Variants in WDFY1 observed in about 807,000 individuals in gnomAD.
The protein encoded by WDFY1 is WD repeat and FYVE domain-containing protein 1.
Under a neutral mutation model 56.4 loss-of-function variants are expected in WDFY1, and 32 were observed. The observed-to-expected ratio is 0.57, with a 90% confidence interval of 0.43 to 0.76. The LOEUF (loss-of-function observed/expected upper bound fraction) is 0.76. Ranked by LOEUF, WDFY1 falls within the 30% of genes least tolerant of loss-of-function variation. The pLI is 0.00. For missense variants in WDFY1, 480 were observed against 545.7 expected, an observed-to-expected ratio of 0.88 and a Z score of 1.20; for synonymous variants, 192 against 197.3, an observed-to-expected ratio of 0.97 and a Z score of 0.23.
rs1355372987 is a variant in WDFY1 at position 223,894,171 on chromosome 2, CAAG to C, written c.831+60_831+62del. 14 of 1,571,808 alleles carry C rather than the reference CAAG, an allele frequency of 8.9e-6. No individual in the cohort carries two copies. The South Asian group carries it at 9.0e-5, about 10-fold the overall frequency. Reference sequence around the variant, plus strand: ...ATTTACAGCTTGCGGGGTGAAAAGCCAAGAAGAAGCCAGGTTCCTGGGGGTCTC... The same window carrying C: ...ATTTACAGCTTGCGGGGTGAAAAGCCAAGAAGCCAGGTTCCTGGGGGTCTC... On this transcript the variant is annotated intron_variant, in intron 8 of 11. Coordinates refer to ENST00000233055, the MANE Select transcript of WDFY1 (RefSeq NM_020830.5).
Position 223,945,291 on chromosome 2 carries a change from G to C in WDFY1, c.-7C>G, listed in dbSNP as rs934356335. 1.9e-6 allele frequency: 3 copies of C among 1,566,282 alleles called. No individual in the cohort carries two copies. In the South Asian group the frequency reaches 3.4e-5, roughly 18 times the overall value. ...AGTGGATTTCGGCCGCCATGTTCGCGCGGCGACTGCTGCGGCCTCCTCGGC... is the reference window on the plus strand; with the variant it reads ...AGTGGATTTCGGCCGCCATGTTCGCCCGGCGACTGCTGCGGCCTCCTCGGC... On this transcript the variant is annotated 5_prime_UTR_variant, in exon 1 of 12. Coordinates refer to ENST00000233055, the MANE Select transcript of WDFY1 (RefSeq NM_020830.5).
chr2:223,909,970 C>T (rs114735731), intron 3 of WDFY1, among the ~76,000 whole-genome samples: 193 of 152,296 alleles, frequency 1.3e-3, no homozygotes, highest in African/African-American at 4.4e-3. Flanking sequence ...AAATTTAAAG[C>T]TTTACCCAGA....
intron 8 of WDFY1, among the ~76,000 whole-genome samples, chr2:223,893,354 CAAA>C (rs557812473): frequency 1.8e-5 from 2 of 108,734 alleles, no homozygotes; most frequent in Non-Finnish European, 2.0e-5. Context: ...CTGTCTCTAC[CAAA>C]AAAAAAAAAA....
intron 8 of WDFY1, among the ~76,000 whole-genome samples, chr2:223,892,718 T>C (rs1349770264): frequency 6.6e-6 from 1 of 152,228 alleles, no homozygotes; most frequent in Non-Finnish European, 1.5e-5. Flanking sequence ...GTGGGAATTC[T>C]GCATCAACGC....
At chr2:223,930,139 CAA>C (rs1242231734) in intron 1 of WDFY1, among the ~76,000 whole-genome samples, 1 of 152,178 alleles carries the variant, frequency 6.6e-6, no homozygotes, top group Non-Finnish European at 1.5e-5. Flanking sequence ...GTGATTCCAA[CAA>C]AGTCTCTCAC....
intron 8 of WDFY1, among the ~76,000 whole-genome samples, chr2:223,889,755 A>AGT (rs1693236000): frequency 6.6e-6 from 1 of 152,248 alleles, no homozygotes; most frequent in South Asian, 2.1e-4. Flanking sequence ...GGATAACAGT[A>AGT]GTATATACCT....
At position 223,903,641 on chromosome 2, in the gene WDFY1, G is replaced by GTTT. The variant is rs1553536484; in HGVS notation, c.334+2303_334+2305dup. On this transcript the variant is annotated intron_variant, in intron 4 of 11. Transcript: ENST00000233055. The stretch of plus-strand genomic sequence containing the variant: ...AGATGAAAAATACACACACACACAC[G>GTTT]TTTTTTGTTTTTTTTTTTTTAAAAA... 2.1e-4 allele frequency among the ~76,000 whole-genome samples: 7 copies of GTTT among 32,598 alleles called. 2 individuals are homozygous for GTTT. The highest frequency in any genetic ancestry group is 8.2e-4 in the Admixed American group (3 of 3,652). The allele number at this position is 32,598 out of a possible 152,430, so 21.4% of individuals were successfully genotyped here.
At chr2:223,898,642 G>A (rs1693441790) in intron 6 of WDFY1, among the ~76,000 whole-genome samples, 2 of 152,140 alleles carry the variant, frequency 1.3e-5, no homozygotes, top group Middle Eastern at 3.2e-3. Context: ...CTGGCCTCAA[G>A]TGGTACACCT....
intron 1 of WDFY1, among the ~76,000 whole-genome samples, chr2:223,928,130 TA>T (rs1694016333): frequency 6.6e-6 from 1 of 152,058 alleles, no homozygotes; most frequent in African/African-American, 2.4e-5. Context: ...ACAACAGATA[TA>T]ATAATAAAGT....
Position 223,897,385 on chromosome 2 carries a change from TA to T in WDFY1, c.598+1572del, listed in dbSNP as rs59891597. 6.8e-4 allele frequency among the ~76,000 whole-genome samples: 68 copies of T among 99,818 alleles called. 3 individuals carry two copies. Among genetic ancestry groups the T allele is most frequent in the African/African-American group, 1.6e-3 (37 of 23,038 alleles). 65.5% of individuals were successfully genotyped at this position (99,818 alleles called of 152,430 possible). A position where few individuals can be genotyped will look rare whatever the true frequency, so the allele number is the denominator to read the frequency against. Reference sequence around the variant, plus strand: ...ATATATATATATATATATATATATATATATATTTTTTAAGACGGAGTCTCTC... The same window carrying T: ...ATATATATATATATATATATATATATTATATTTTTTAAGACGGAGTCTCTC... On this transcript the variant is annotated intron_variant, in intron 6 of 11. Coordinates refer to ENST00000233055, the MANE Select transcript of WDFY1 (RefSeq NM_020830.5).
At chr2:223,892,015 C>T (rs1693287758) in intron 8 of WDFY1, among the ~76,000 whole-genome samples, 1 of 152,136 alleles carries the variant, frequency 6.6e-6, no homozygotes, top group Non-Finnish European at 1.5e-5. Flanking sequence ...TTGCTCGTCG[C>T]CCAGGTTGGA....
At chr2:223,910,228 C>T (rs1408813723) in intron 3 of WDFY1, among the ~76,000 whole-genome samples, 1 of 152,024 alleles carries the variant, frequency 6.6e-6, no homozygotes, top group African/African-American at 2.4e-5. Flanking sequence ...ATGTGGAACC[C>T]CTCCCTGATA....
intron 1 of WDFY1, among the ~76,000 whole-genome samples, chr2:223,921,925 G>GA (rs1157510647): frequency 2.0e-5 from 3 of 152,286 alleles, no homozygotes; most frequent in Admixed American, 2.0e-4. Context: ...CAGGAGTAGT[G>GA]GACTCTTGCC....
intron 1 of WDFY1, 85 bp from the exon 2 acceptor site, chr2:223,918,095 G>C: frequency 7.0e-7 from 1 of 1,426,290 alleles, no homozygotes; most frequent in Non-Finnish European, 9.6e-7. Flanking sequence ...TTTAAAATTT[G>C]TTTAACACTA....
chr2:223,895,176 C>T (rs1179567979), intron 7 of WDFY1, among the ~76,000 whole-genome samples: 1 of 152,198 alleles, frequency 6.6e-6, no homozygotes, highest in Non-Finnish European at 1.5e-5. Flanking sequence ...AAGTCCTCAC[C>T]TGCATCTCTA....
chr2:223,879,997 G>A, intron 11 of WDFY1, 127 bp downstream of exon 11: 1 of 824,652 alleles, frequency 1.2e-6, no homozygotes, highest in East Asian at 2.5e-5. Flanking sequence ...TGTTACTCAA[G>A]GTTTTAAACT....
intron 1 of WDFY1, among the ~76,000 whole-genome samples, chr2:223,930,833 G>A (rs144882568): frequency 6.6e-6 from 1 of 152,258 alleles, no homozygotes; most frequent in East Asian, 1.9e-4. Context: ...TCCTCGGCCC[G>A]CCTGTAGCAA....
chr2:223,897,376 A>T (rs1345814113), intron 6 of WDFY1, among the ~76,000 whole-genome samples: 464 of 10,562 alleles, frequency 0.044, 17 homozygotes, highest in Admixed American at 0.084. Context: ...ATATATATAT[A>T]TATATATATA....
At chr2:223,928,144 G>T (rs756967011) in intron 1 of WDFY1, among the ~76,000 whole-genome samples, 3 of 152,092 alleles carry the variant, frequency 2.0e-5, no homozygotes, top group Non-Finnish European at 2.9e-5. Flanking sequence ...AATAAAGTTT[G>T]GAATATTGCA....
Sources: allele counts gnomAD v4.1 joint callset (sites outside exome capture counted in the v4.1 genomes callset), GRCh38; gene constraint gnomAD v4.1.1; transcripts MANE v1.5; gene names NCBI Gene and HGNC (gene_info 2026-07-23, HGNC 2026-07-21).